Variants in INTS4 observed in about 807,000 individuals in gnomAD.
INTS4 encodes integrator complex subunit 4.
Under a neutral mutation model 119.5 loss-of-function variants are expected in INTS4, and 70 were observed. The ratio of observed to expected loss-of-function variants is 0.59; its 90% CI spans 0.48 to 0.71. INTS4 has a LOEUF of 0.71. Among genes scored for constraint, INTS4 ranks in the 30% least tolerant of loss-of-function variants. The probability of loss-of-function intolerance (pLI) is 0.00; values close to 1 mark genes in which losing one functional copy is unlikely to be tolerated. For synonymous variants in INTS4, 316 were observed against 419.6 expected, an observed-to-expected ratio of 0.75 and a Z score of 3.02; for missense variants, 867 against 1,173.2, an observed-to-expected ratio of 0.74 and a Z score of 3.81.
intron 10 of INTS4, among the ~76,000 whole-genome samples, chr11:77,934,018 C>T (rs965692409): frequency 5.6e-5 from 8 of 143,620 alleles, no homozygotes; most frequent in Admixed American, 3.6e-4. Flanking sequence ...GGGAAGTGGA[C>T]TTAGGAGACT....
chr11:77,910,014 C>T (rs1386103153), intron 15 of INTS4, among the ~76,000 whole-genome samples: 1 of 152,032 alleles, frequency 6.6e-6, no homozygotes, highest in Non-Finnish European at 1.5e-5. Flanking sequence ...ACTAGTTCAA[C>T]CATTGTGGAA....
intron 20 of INTS4, 37 bp from the exon 21 acceptor site, chr11:77,891,499 A>G (rs1392494680): frequency 1.9e-6 from 3 of 1,610,564 alleles, no homozygotes; most frequent in African/African-American, 2.7e-5. Context: ...TTTTAAAGCC[A>G]GGTCATTCCT....
chr11:77,970,889 G>A (rs1855702769), intron 4 of INTS4, among the ~76,000 whole-genome samples: 1 of 151,984 alleles, frequency 6.6e-6, no homozygotes, highest in Non-Finnish European at 1.5e-5. Context: ...TTGGCTCACT[G>A]CAACCTCCAC....
intron 17 of INTS4, among the ~76,000 whole-genome samples, chr11:77,902,737 G>T (rs2136443250): frequency 6.6e-6 from 1 of 152,254 alleles, no homozygotes; most frequent in East Asian, 1.9e-4. Flanking sequence ...TCCCTATCTG[G>T]AAGACTTGAC....
At chr11:77,888,599 C>T (rs1952122511) in intron 21 of INTS4, among the ~76,000 whole-genome samples, 1 of 152,170 alleles carries the variant, frequency 6.6e-6, no homozygotes, top group Admixed American at 6.5e-5. Context: ...TAAAGAGCTT[C>T]TGCACAGCAA....
At chr11:77,972,159 G>A (rs538428457) in intron 4 of INTS4, among the ~76,000 whole-genome samples, 23 of 152,228 alleles carry the variant, frequency 1.5e-4, no homozygotes, top group East Asian at 1.2e-3. Flanking sequence ...CTGCAGTAGC[G>A]CAGTCTCGGC....
chr11:77,885,444 A>G (rs976841520), intron 21 of INTS4, among the ~76,000 whole-genome samples: 1 of 152,132 alleles, frequency 6.6e-6, no homozygotes, highest in African/African-American at 2.4e-5. Context: ...AACCTACTAT[A>G]GGAAAAAAAT....
intron 5 of INTS4, among the ~76,000 whole-genome samples, 196 bp downstream of exon 5, chr11:77,960,757 T>C (rs1462541043): frequency 2.0e-5 from 3 of 152,120 alleles, no homozygotes; most frequent in Non-Finnish European, 4.4e-5. Flanking sequence ...TAAATACACA[T>C]GAAAGCTACC....
intron 4 of INTS4, among the ~76,000 whole-genome samples, chr11:77,963,225 G>T (rs928554845): frequency 7.2e-5 from 11 of 151,970 alleles, no homozygotes; most frequent in Admixed American, 5.9e-4. Context: ...GCCCAAAAGA[G>T]AGTCTCATGC....
chr11:77,937,817 GTATTTATTTATTTATTTATTTATT>G (rs4016025), intron 10 of INTS4, among the ~76,000 whole-genome samples: 4 of 146,514 alleles, frequency 2.7e-5, no homozygotes, highest in Non-Finnish European at 3.0e-5. Context: ...ATATCTTTCT[GTATTTATTTATTTATTTATTTATT>G]TATTTATTTA....
chr11:77,988,869 A>G (rs934968853), intron 2 of INTS4, among the ~76,000 whole-genome samples: 2 of 152,220 alleles, frequency 1.3e-5, no homozygotes, highest in Admixed American at 6.5e-5. Context: ...CATCAAATCA[A>G]TGTCACCAAA....
intron 5 of INTS4, 147 bp downstream of exon 5, chr11:77,960,806 G>C: frequency 1.5e-6 from 1 of 651,188 alleles, no homozygotes; most frequent in Non-Finnish European, 2.5e-6. Context: ...ACAGGAATGT[G>C]TGTCACTGAG....
chr11:77,985,115 A>G (rs1856405436), intron 2 of INTS4, among the ~76,000 whole-genome samples: 1 of 152,208 alleles, frequency 6.6e-6, no homozygotes, highest in African/African-American at 2.4e-5. Flanking sequence ...GTTTCTTCTG[A>G]CCATTAAAAC....
intron 2 of INTS4, among the ~76,000 whole-genome samples, chr11:77,984,173 T>C (rs1222962563): frequency 6.6e-6 from 1 of 152,026 alleles, no homozygotes; most frequent in African/African-American, 2.4e-5. Context: ...ATGAGGTACT[T>C]AGAGCAGTTG....
intron 10 of INTS4, among the ~76,000 whole-genome samples, chr11:77,930,869 G>T (rs1445774802): frequency 6.6e-6 from 1 of 152,060 alleles, no homozygotes; most frequent in Non-Finnish European, 1.5e-5. Flanking sequence ...TTCCCTATGG[G>T]TACAGAGCAG....
At chr11:77,979,963 G>A (rs1282236591) in intron 3 of INTS4, among the ~76,000 whole-genome samples, 2 of 129,244 alleles carry the variant, frequency 1.5e-5, no homozygotes, top group Non-Finnish European at 3.1e-5. Context: ...AGGCGACAGA[G>A]CAAGACTCCA....
At chr11:77,991,451 G>T (rs1405846691) in intron 1 of INTS4, 152 bp from the exon 2 acceptor site, 3 of 650,812 alleles carry the variant, frequency 4.6e-6, no homozygotes, top group Non-Finnish European at 7.8e-6. Flanking sequence ...TACCGGGTTG[G>T]TGACAAGGCC....
At position 77,887,457 on chromosome 11, in the gene INTS4, C is replaced by G. The variant is rs1952062354; in HGVS notation, c.2593-3505G>C. Reference sequence around the variant, plus strand: ...AGAGCTATCTATGACAAACCCACAGCCAATATCATACTGAATGGGCAAAAA... The same window carrying G: ...AGAGCTATCTATGACAAACCCACAGGCAATATCATACTGAATGGGCAAAAA... On this transcript the variant is annotated intron_variant, in intron 21 of 22. Coordinates refer to ENST00000534064, the MANE Select transcript of INTS4 (RefSeq NM_033547.4). Among the ~76,000 whole-genome samples the G allele has an allele frequency of 2.0e-5, 3 of 152,102 alleles. No individual in the cohort carries two copies. The South Asian group carries it at 6.2e-4, about 32-fold the overall frequency.
intron 13 of INTS4, among the ~76,000 whole-genome samples, 180 bp from the exon 14 acceptor site, chr11:77,921,653 G>A (rs1009617594): frequency 6.6e-6 from 1 of 152,004 alleles, no homozygotes; most frequent in Non-Finnish European, 1.5e-5. Flanking sequence ...AATTACCAAA[G>A]GTTTTTAAAA....
Sources: allele counts gnomAD v4.1 joint callset (sites outside exome capture counted in the v4.1 genomes callset), GRCh38; gene constraint gnomAD v4.1.1; transcripts MANE v1.5; gene names NCBI Gene and HGNC (gene_info 2026-07-23, HGNC 2026-07-21).